Variants in GOPC observed in about 807,000 individuals in gnomAD.
GOPC encodes Golgi-associated PDZ and coiled-coil motif-containing protein.
GOPC carries 32 observed loss-of-function variants against 51.2 expected under a neutral mutation model. That is an observed-to-expected ratio of 0.63 (90% CI 0.47 to 0.84). The LOEUF (loss-of-function observed/expected upper bound fraction) is 0.84, where lower values mean the gene tolerates loss of function less well. Ranked by LOEUF, GOPC falls within the 40% of genes least tolerant of loss-of-function variation. The pLI is 0.00. For missense variants in GOPC, 441 were observed against 555.5 expected (o/e 0.79, Z 2.07); for synonymous variants, 190 against 205.1 (o/e 0.93, Z 0.63).
chr6:117,563,482 G>A (rs1779629179), intron 8 of GOPC, 98 bp from the exon 9 acceptor site: 6 of 1,167,406 alleles, frequency 5.1e-6, no homozygotes, highest in Non-Finnish European at 7.5e-6. Flanking sequence ...AGCACTTTGA[G>A]AGGCCAAGGT....
Position 117,566,954 on chromosome 6 carries a change from C to A in GOPC, c.1158G>T (p.Glu386Asp). The A allele has an allele frequency of 6.2e-7, 1 of 1,611,818 alleles. No individual in the cohort carries two copies. The highest frequency in any genetic ancestry group is 8.5e-7 in the Non-Finnish European group (1 of 1,179,000). ...GGTACAAACGGTAACGATGTCCACT[C>A]TCATCTTCATACTCTACGTTTTCAT... is the stretch of plus-strand genomic sequence containing the variant. ...SDDENVEYEDESGHRYRLYLD... is the reference protein window; with the variant it reads ...SDDENVEYEDDSGHRYRLYLD... Residue 386 changes from glutamate (E) to aspartate (D), a missense_variant, in exon 8 of 9, where the codon GAG becomes GAT. Transcript: ENST00000368498.
chr6:117,564,292 T>A (rs1779649314), intron 8 of GOPC, among the ~76,000 whole-genome samples: 1 of 152,194 alleles, frequency 6.6e-6, no homozygotes, highest in Non-Finnish European at 1.5e-5. Context: ...GACTTAGAAG[T>A]AATACATATA....
At chr6:117,586,362 T>C (rs1445154995) in intron 1 of GOPC, among the ~76,000 whole-genome samples, 1 of 152,106 alleles carries the variant, frequency 6.6e-6, no homozygotes, top group Non-Finnish European at 1.5e-5. Context: ...TAAGAGAATC[T>C]TTACAGATTA....
chr6:117,590,320 C>T (rs1712849032), intron 1 of GOPC, among the ~76,000 whole-genome samples: 1 of 152,042 alleles, frequency 6.6e-6, no homozygotes, highest in African/African-American at 2.4e-5. Context: ...AACTTAATCC[C>T]AGCACTTTGG....
chr6:117,581,643 G>A (rs1034253795), intron 1 of GOPC, among the ~76,000 whole-genome samples: 1 of 152,110 alleles, frequency 6.6e-6, no homozygotes, highest in Admixed American at 6.5e-5. Context: ...TTCATAGCTT[G>A]TTTTGCATAG....
chr6:117,563,983 CT>C (rs1223276650), intron 8 of GOPC, among the ~76,000 whole-genome samples: 3 of 117,924 alleles, frequency 2.5e-5, no homozygotes, highest in South Asian at 2.7e-4. Flanking sequence ...TTTTTTTTTT[CT>C]TTTTTTTTTC....
At chr6:117,577,233 C>T (rs2114613498) in intron 3 of GOPC, among the ~76,000 whole-genome samples, 1 of 152,114 alleles carries the variant, frequency 6.6e-6, no homozygotes, top group African/African-American at 2.4e-5. Context: ...CAAATAATGG[C>T]TATAAATCAC....
In GOPC at chr6:117,563,099, G is replaced by A. The variant is rs532207172; in HGVS notation, c.*155C>T. The A allele has an allele frequency of 4.6e-5, 29 of 634,832 alleles. No individual in the cohort carries two copies. The South Asian group carries it at 5.5e-4, about 12-fold the overall frequency. The allele number at this position is 634,832 out of a possible 1,614,324, so 39.3% of individuals were successfully genotyped here. A position where few individuals can be genotyped will look rare whatever the true frequency, so the allele number is the denominator to read the frequency against. Reference sequence around the variant, plus strand: ...TACCACAGAAAACAGGGTGTTTTATGCATTGAGAATTGTTCACATGAAGCC... The same window carrying A: ...TACCACAGAAAACAGGGTGTTTTATACATTGAGAATTGTTCACATGAAGCC... On this transcript the variant is annotated 3_prime_UTR_variant, in exon 9 of 9. Coordinates refer to ENST00000368498, the MANE Select transcript of GOPC (RefSeq NM_020399.4).
At chr6:117,594,837 T>C (rs1939403142) in intron 1 of GOPC, among the ~76,000 whole-genome samples, 1 of 152,192 alleles carries the variant, frequency 6.6e-6, no homozygotes, top group Non-Finnish European at 1.5e-5. Context: ...TGTTGTGCTG[T>C]TACTTTAAAA....
rs916302631 is a variant in GOPC, at chr6:117,561,876, G to T, written c.*1378C>A. 1.3e-4 allele frequency: 27 copies of T among 206,108 alleles called. No individual in the cohort carries two copies. The highest frequency in any genetic ancestry group is 9.9e-6 in the Non-Finnish European group (1 of 100,690). 12.8% of individuals were successfully genotyped at this position (206,108 alleles called of 1,614,324 possible). A position where few individuals can be genotyped will look rare whatever the true frequency, so the allele number is the denominator to read the frequency against. ...ATATACATTTTATAGATTTACCCTT[G>T]AACAAATATATAGTGTATCTGGGAA... On this transcript the variant is annotated 3_prime_UTR_variant, in exon 9 of 9. Transcript: ENST00000368498.
intron 1 of GOPC, among the ~76,000 whole-genome samples, chr6:117,584,604 T>C (rs1780004121): frequency 6.6e-6 from 1 of 152,070 alleles, no homozygotes; most frequent in Admixed American, 6.5e-5. Flanking sequence ...TCCATGAACT[T>C]CCATGTGTTC....
At chr6:117,573,861 G>A (rs550490315) in intron 4 of GOPC, among the ~76,000 whole-genome samples, 1 of 152,178 alleles carries the variant, frequency 6.6e-6, no homozygotes, top group African/African-American at 2.4e-5. Flanking sequence ...AGGAATTAAT[G>A]TGAACTCCTT....
At chr6:117,581,419 G>A (rs1779955837) in intron 1 of GOPC, among the ~76,000 whole-genome samples, 2 of 148,950 alleles carry the variant, frequency 1.3e-5, no homozygotes, top group South Asian at 4.2e-4. Context: ...AAGTACACAA[G>A]TAACACATTA....
chr6:117,562,644 GA>G lies in GOPC; in HGVS notation c.*609del. 1 of 204,540 alleles carries G rather than the reference GA, an allele frequency of 4.9e-6. No homozygotes were observed. Among genetic ancestry groups the G allele is most frequent in the East Asian group, 7.6e-5 (1 of 13,082 alleles). 12.7% of individuals were successfully genotyped at this position (204,540 alleles called of 1,614,324 possible). A position where few individuals can be genotyped will look rare whatever the true frequency, so the allele number is the denominator to read the frequency against. ...ATTGATTGATAAAAGACTGCTTAAAGAAAACTATTTTGTACTGCATTGAATA... is the reference window on the plus strand; with the variant it reads ...ATTGATTGATAAAAGACTGCTTAAAGAAACTATTTTGTACTGCATTGAATA... On this transcript the variant is annotated 3_prime_UTR_variant, in exon 9 of 9. Coordinates refer to ENST00000368498, the MANE Select transcript of GOPC (RefSeq NM_020399.4).
intron 1 of GOPC, among the ~76,000 whole-genome samples, chr6:117,588,915 G>GA (rs1444650988): frequency 6.6e-6 from 1 of 151,860 alleles, no homozygotes; most frequent in Admixed American, 6.6e-5. Flanking sequence ...TAGACCTTCT[G>GA]AAAAAAGGCT....
intron 5 of GOPC, among the ~76,000 whole-genome samples, chr6:117,572,841 AAGG>A (rs1250798151): frequency 6.6e-6 from 1 of 152,216 alleles, no homozygotes; most frequent in African/African-American, 2.4e-5. Context: ...TTTACTATTT[AAGG>A]CCATACATTA....
At position 117,573,450 on chromosome 6, in the gene GOPC, C is replaced by T; in HGVS notation, c.816+17G>A. 1 of 1,604,390 alleles carries T rather than the reference C, an allele frequency of 6.2e-7. No individual in the cohort carries two copies. Among genetic ancestry groups the T allele is most frequent in the South Asian group, 1.1e-5 (1 of 89,210 alleles). On this transcript the variant is annotated intron_variant, in intron 5 of 8. Coordinates refer to ENST00000368498, the MANE Select transcript of GOPC (RefSeq NM_020399.4). ...AAAGAAGAGGCTGGGTGGGAAGCAGCAGCAAAGCAAACATACATGGCCTGG... is the reference window on the plus strand; with the variant it reads ...AAAGAAGAGGCTGGGTGGGAAGCAGTAGCAAAGCAAACATACATGGCCTGG...
intron 1 of GOPC, 62 bp downstream of exon 1, chr6:117,601,942 G>T: frequency 1.3e-6 from 2 of 1,557,216 alleles, no homozygotes; most frequent in Non-Finnish European, 1.8e-6. Context: ...GCGTTAAATG[G>T]CATCTGACGC....
chr6:117,594,681 G>A (rs1029542958), intron 1 of GOPC, among the ~76,000 whole-genome samples: 3 of 152,152 alleles, frequency 2.0e-5, no homozygotes, highest in Admixed American at 6.6e-5. Context: ...GCAGCAAAGG[G>A]ACAAGCATAT....
Sources: allele counts gnomAD v4.1 joint callset (sites outside exome capture counted in the v4.1 genomes callset), GRCh38; gene constraint gnomAD v4.1.1; transcripts MANE v1.5; gene names NCBI Gene and HGNC (gene_info 2026-07-23, HGNC 2026-07-21).